The following PDE8B variants were observed in gnomAD, a reference collection of about 807,000 sequenced individuals.
The protein encoded by PDE8B is high affinity cAMP-specific and IBMX-insensitive 3',5'-cyclic phosphodiesterase 8B.
PDE8B carries 26 observed loss-of-function variants against 101.3 expected under a neutral mutation model. The ratio of observed to expected loss-of-function variants is 0.26; its 90% confidence interval spans 0.19 to 0.36. The LOEUF is 0.36. Ranked by LOEUF, PDE8B falls within the 10% of genes least tolerant of loss-of-function variation. The pLI is 1.00. For missense variants in PDE8B, 810 were observed against 1,163.1 expected, an observed-to-expected ratio of 0.70 and a Z score of 4.42; for synonymous variants, 424 against 429.3, an observed-to-expected ratio of 0.99 and a Z score of 0.15.
intron 2 of PDE8B, among the ~76,000 whole-genome samples, chr5:77,321,661 T>C (rs1775108931): frequency 6.6e-6 from 1 of 152,196 alleles, no homozygotes; most frequent in South Asian, 2.1e-4. Flanking sequence ...AAAAGGTGAT[T>C]ACTATAGTGT....
At chr5:77,135,999 C>CT in the PDE8B span, among the ~76,000 whole-genome samples, 1 of 152,084 alleles carries the variant, frequency 6.6e-6, no homozygotes, top group Non-Finnish European at 1.5e-5. Context: ...ATTTTCCTAT[C>CT]TTTTTTCCTC....
intron 1 of PDE8B, among the ~76,000 whole-genome samples, chr5:77,220,128 T>C (rs1032529772): frequency 5.3e-5 from 8 of 152,192 alleles, no homozygotes; most frequent in Admixed American, 2.6e-4. Context: ...CAGTAGACTC[T>C]TGCAGGTCCT....
chr5:77,337,689 A>T (rs1778450446), intron 6 of PDE8B, among the ~76,000 whole-genome samples: 1 of 152,226 alleles, frequency 6.6e-6, no homozygotes, highest in Non-Finnish European at 1.5e-5. Flanking sequence ...GGGCAAACTA[A>T]TGGCGATATT....
intron 1 of PDE8B, among the ~76,000 whole-genome samples, chr5:77,299,111 G>A (rs962874578): frequency 1.3e-5 from 2 of 152,112 alleles, no homozygotes; most frequent in African/African-American, 4.8e-5. Context: ...AGCATTGCCT[G>A]TCTTACACAA....
At chr5:77,264,239 C>G (rs1283038233) in intron 1 of PDE8B, among the ~76,000 whole-genome samples, 1 of 152,178 alleles carries the variant, frequency 6.6e-6, no homozygotes, top group Non-Finnish European at 1.5e-5. Flanking sequence ...CAATCATGTA[C>G]AACTTATGTG....
At chr5:77,204,410 C>CA in the PDE8B span, among the ~76,000 whole-genome samples, 5,399 of 106,024 alleles carry the variant, frequency 0.051, 135 homozygotes, top group African/African-American at 0.085. Context: ...GACTCTGTCT[C>CA]AAAAAAAAAA....
At chr5:77,326,086 T>C (rs902428321) in intron 3 of PDE8B, among the ~76,000 whole-genome samples, 1 of 152,224 alleles carries the variant, frequency 6.6e-6, no homozygotes, top group Non-Finnish European at 1.5e-5. Context: ...ATCTTCATTA[T>C]TCTCTCCCAA....
At chr5:77,121,352 A>G in the PDE8B span, among the ~76,000 whole-genome samples, 2 of 152,178 alleles carry the variant, frequency 1.3e-5, no homozygotes, top group South Asian at 4.1e-4. Context: ...GGCACATGGC[A>G]TCCCCCAGAG....
chr5:77,404,170 T>C (rs1408823751), intron 11 of PDE8B, among the ~76,000 whole-genome samples: 3 of 152,090 alleles, frequency 2.0e-5, no homozygotes, highest in Admixed American at 2.0e-4. Context: ...GTATTTTTAG[T>C]AGAGATGGGG....
chr5:77,366,576 G>A (rs1784190163), intron 10 of PDE8B, among the ~76,000 whole-genome samples: 1 of 152,234 alleles, frequency 6.6e-6, no homozygotes, highest in Admixed American at 6.5e-5. Context: ...CTCTTCCTCT[G>A]TGCCTAAGAA....
upstream of PDE8B, among the ~76,000 whole-genome samples, chr5:77,208,894 A>G (rs974212797): frequency 3.3e-5 from 5 of 152,210 alleles, no homozygotes; most frequent in African/African-American, 1.2e-4. Flanking sequence ...ACAACTCTGA[A>G]GCATCATCCC....
intron 20 of PDE8B, 22 bp from the exon 21 acceptor site, chr5:77,425,745 A>C: frequency 6.2e-7 from 1 of 1,612,424 alleles, no homozygotes; most frequent in Non-Finnish European, 8.5e-7. Context: ...CTCCAGCCCT[A>C]TGTGGTGGTT....
At chr5:77,143,887 G>A in the PDE8B span, 2 of 130,650 alleles carry the variant, frequency 1.5e-5, no homozygotes, top group Non-Finnish European at 3.1e-5. Flanking sequence ...TTTTTTTAGC[G>A]CTCTGATCAG....
chr5:77,391,031 C>G (rs773457766), intron 10 of PDE8B, among the ~76,000 whole-genome samples: 1 of 152,248 alleles, frequency 6.6e-6, no homozygotes, highest in Non-Finnish European at 1.5e-5. Flanking sequence ...AGTTCATCCC[C>G]TTGGCTGCCT....
chr5:77,094,645 C>T, the PDE8B span, among the ~76,000 whole-genome samples: 1 of 152,108 alleles, frequency 6.6e-6, no homozygotes, highest in Non-Finnish European at 1.5e-5. Flanking sequence ...TTTTGCATTG[C>T]TATCTGAAAG....
chr5:77,390,785 G>A (rs1367731160), intron 10 of PDE8B, among the ~76,000 whole-genome samples: 1 of 152,210 alleles, frequency 6.6e-6, no homozygotes, highest in Non-Finnish European at 1.5e-5. Flanking sequence ...GGGCTTCACT[G>A]TAAACAGCAG....
chr5:77,286,915 C>A (rs1766131209), intron 1 of PDE8B, among the ~76,000 whole-genome samples: 1 of 152,166 alleles, frequency 6.6e-6, no homozygotes, highest in South Asian at 2.1e-4. Context: ...AATATCTCTA[C>A]CCTTCTTTAA....
the PDE8B span, among the ~76,000 whole-genome samples, chr5:77,165,975 C>CAA: frequency 0.025 from 2,381 of 96,904 alleles, 52 homozygotes; most frequent in Non-Finnish European, 0.036. Flanking sequence ...GAGACTGCCT[C>CAA]AAAAAAAAAA....
chr5:77,174,287 A>G, the PDE8B span, among the ~76,000 whole-genome samples: 1 of 152,030 alleles, frequency 6.6e-6, no homozygotes, highest in Non-Finnish European at 1.5e-5. Flanking sequence ...CTCTGTTTTT[A>G]TGGGAGGTAC....
Sources: allele counts gnomAD v4.1 joint callset (sites outside exome capture counted in the v4.1 genomes callset), GRCh38; gene constraint gnomAD v4.1.1; transcripts MANE v1.5; gene names NCBI Gene and HGNC (gene_info 2026-07-23, HGNC 2026-07-21).